The following HYCC1 variants were observed in gnomAD, a reference collection of about 807,000 sequenced individuals.
HYCC1 encodes hyccin PI4KA lipid kinase complex subunit 1.
At chr7:23,006,272 T>TC in the HYCC1 span, among the ~76,000 whole-genome samples, 1 of 151,432 alleles carries the variant, frequency 6.6e-6, no homozygotes, top group Non-Finnish European at 1.5e-5. Flanking sequence ...TTTAAGCACT[T>TC]TTTTTTTTCT....
At chr7:22,981,913 GA>G in the HYCC1 span, among the ~76,000 whole-genome samples, 1 of 152,148 alleles carries the variant, frequency 6.6e-6, no homozygotes, top group South Asian at 2.1e-4. Flanking sequence ...CTAGTAGTTT[GA>G]GAAACACTGC....
chr7:22,984,626 G>C, the HYCC1 span, among the ~76,000 whole-genome samples: 1 of 152,198 alleles, frequency 6.6e-6, no homozygotes, highest in Non-Finnish European at 1.5e-5. Context: ...AGAAGCTAAG[G>C]TGGGAAGATG....
chr7:22,994,027 C>A, the HYCC1 span, among the ~76,000 whole-genome samples: 1 of 152,122 alleles, frequency 6.6e-6, no homozygotes, highest in Admixed American at 6.5e-5. Flanking sequence ...GTTACCCGGG[C>A]TAGAGTGTAA....
At chr7:22,999,880 G>GCACC in the HYCC1 span, among the ~76,000 whole-genome samples, 1 of 152,094 alleles carries the variant, frequency 6.6e-6, no homozygotes, top group Non-Finnish European at 1.5e-5. Context: ...AGTCAAGGTA[G>GCACC]CACCTTACAT....
At chr7:22,924,850 G>A in the HYCC1 span, among the ~76,000 whole-genome samples, 1 of 152,226 alleles carries the variant, frequency 6.6e-6, no homozygotes, top group African/African-American at 2.4e-5. Context: ...CTCCCAGCAT[G>A]CAGTTTGAGA....
chr7:22,961,586 A>G, the HYCC1 span, among the ~76,000 whole-genome samples: 12 of 152,228 alleles, frequency 7.9e-5, no homozygotes, highest in Admixed American at 1.3e-4. Flanking sequence ...AAAAAAAGCT[A>G]AGGCAATTTC....
the HYCC1 span, chr7:23,013,957 C>T: frequency 4.0e-5 from 19 of 470,792 alleles, no homozygotes; most frequent in African/African-American, 3.2e-4. Context: ...CCTGCAGGAC[C>T]TCGACTCGTG....
At chr7:22,935,820 T>G in the HYCC1 span, 1 of 151,762 alleles carries the variant, frequency 6.6e-6, no homozygotes, top group Non-Finnish European at 1.5e-5. Context: ...TAATTTTTTT[T>G]GTATTTTTAG....
the HYCC1 span, among the ~76,000 whole-genome samples, chr7:22,922,011 A>G: frequency 6.6e-6 from 1 of 152,178 alleles, no homozygotes; most frequent in East Asian, 1.9e-4. Flanking sequence ...GAGTTTGAAA[A>G]TGTTTCTCTA....
At chr7:22,945,399 A>T in the HYCC1 span, 1 of 598,968 alleles carries the variant, frequency 1.7e-6, no homozygotes, top group Middle Eastern at 4.5e-4. Flanking sequence ...TTAATCAAGA[A>T]ATAACAAAAC....
chr7:22,946,978 G>A, the HYCC1 span: 1 of 1,548,816 alleles, frequency 6.5e-7, no homozygotes, highest in East Asian at 2.4e-5. Flanking sequence ...AAAGTGCTCT[G>A]CTAAAACTGC....
the HYCC1 span, chr7:22,977,433 A>G: frequency 7.1e-7 from 1 of 1,412,796 alleles, no homozygotes; most frequent in South Asian, 1.2e-5. Flanking sequence ...TATAGAAGTG[A>G]AAGAAAATAT....
chr7:23,013,324 A>C, the HYCC1 span, among the ~76,000 whole-genome samples: 27 of 152,060 alleles, frequency 1.8e-4, 1 homozygote, highest in African/African-American at 6.5e-4. Context: ...TGCTGTCTGA[A>C]CCTCTCCGCC....
chr7:22,912,998 C>T, the HYCC1 span, among the ~76,000 whole-genome samples: 1 of 151,970 alleles, frequency 6.6e-6, no homozygotes, highest in Non-Finnish European at 1.5e-5. Context: ...GTGGTGGGCG[C>T]TTGTAATCCC....
At chr7:23,009,367 T>C in the HYCC1 span, among the ~76,000 whole-genome samples, 31 of 152,296 alleles carry the variant, frequency 2.0e-4, no homozygotes, top group East Asian at 5.2e-3. Context: ...TCCACTCTTT[T>C]AGGCTGCACC....
chr7:22,908,618 C>G, the HYCC1 span, among the ~76,000 whole-genome samples: 6 of 152,168 alleles, frequency 3.9e-5, no homozygotes, highest in African/African-American at 1.4e-4. Context: ...CCCTGAACAC[C>G]TTTCCAGCCT....
At chr7:22,987,992 A>G in the HYCC1 span, among the ~76,000 whole-genome samples, 1 of 152,210 alleles carries the variant, frequency 6.6e-6, no homozygotes, top group Admixed American at 6.5e-5. Context: ...ATTTCAAGAG[A>G]TACGTTACTC....
chr7:22,926,491 T>C, the HYCC1 span, among the ~76,000 whole-genome samples: 1 of 152,072 alleles, frequency 6.6e-6, no homozygotes, highest in African/African-American at 2.4e-5. Context: ...GAGGAAGATC[T>C]ACCAAGCAAA....
chr7:22,899,746 G>A, the HYCC1 span, among the ~76,000 whole-genome samples: 1 of 152,006 alleles, frequency 6.6e-6, no homozygotes, highest in Non-Finnish European at 1.5e-5. Context: ...TACTACTTAG[G>A]CTTTTAAAAA....
Sources: gnomAD v4.1 joint callset for allele counts (sites outside exome capture counted in the v4.1 genomes callset) on GRCh38, gnomAD v4.1.1 for gene constraint, MANE v1.5 for transcripts, NCBI Gene and HGNC (gene_info 2026-07-23, HGNC 2026-07-21) for gene names.